LYSMD4: variants seen among roughly 807,000 people sequenced by gnomAD.
The protein encoded by LYSMD4 is lysM and putative peptidoglycan-binding domain-containing protein 4.
LYSMD4 carries 9 observed loss-of-function variants against 6.1 expected under a neutral mutation model. The observed-to-expected ratio is 1.47, with a 90% CI of 0.88 to 2.56. The LOEUF (loss-of-function observed/expected upper bound fraction) is 2.56, where lower values mean the gene tolerates loss of function less well. Among genes scored for constraint, LYSMD4 ranks in the 30% most tolerant of loss-of-function variants. The probability of loss-of-function intolerance (pLI) is 0.00; values close to 1 mark genes in which losing one functional copy is unlikely to be tolerated. For missense variants in LYSMD4, 384 were observed against 373.5 expected (o/e 1.03, Z -0.23); for synonymous variants, 143 against 148.5 (o/e 0.96, Z 0.27).
downstream of LYSMD4, among the ~76,000 whole-genome samples, chr15:99,722,776 T>C (rs1002599350): frequency 2.0e-5 from 3 of 152,156 alleles, no homozygotes; most frequent in African/African-American, 7.2e-5. Context: ...GGCTCATGCC[T>C]CTAATGCCAG....
rs1192774859 is a variant in LYSMD4, at chr15:99,729,404, G to A, written c.610C>T (p.Pro204Ser). The A allele has an allele frequency of 1.9e-6, 3 of 1,614,230 alleles. No homozygotes were observed. The highest frequency in any genetic ancestry group is 1.7e-5 in the Admixed American group (1 of 60,034). Residue 204 changes from proline to serine, a missense_variant, in exon 3 of 3, where the codon CCT becomes TCT. By Grantham distance (74) the Pro-to-Ser change is moderately conservative. Transcript: ENST00000684762. ...DTSHQPLLPA[P>S]PKTPMDGADC... ...GCACCATCCATAGGCGTCTTCGGAGGTGCCGGGAGCAGTGGCTGATGGGAG... is the reference window on the plus strand; with the variant it reads ...GCACCATCCATAGGCGTCTTCGGAGATGCCGGGAGCAGTGGCTGATGGGAG...
At chr15:99,724,077 T>C (rs111456294), downstream of LYSMD4, among the ~76,000 whole-genome samples, 535 of 151,046 alleles carry the variant, frequency 3.5e-3, 34 homozygotes, top group African/African-American at 0.013. Flanking sequence ...TCGCTCACAC[T>C]GGACAGTCCT....
At position 99,733,364 on chromosome 15, in the gene LYSMD4, CGCGACCG is replaced by C. The variant is rs1012165572; in HGVS notation, c.-35_-29del. ...CGGTACCTCAGCGCCCAGGCTCCGC[CGCGACCG>C]GCGACCGGCGACTCGCGACCCGCGA... On this transcript the variant is annotated 5_prime_UTR_variant, in exon 1 of 3. Coordinates refer to ENST00000684762, the MANE Select transcript of LYSMD4 (RefSeq NM_001284417.2). 8.6e-5 allele frequency: 34 copies of C among 394,818 alleles called. No individual in the cohort carries two copies. Among genetic ancestry groups the C allele is most frequent in the Middle Eastern group, 6.3e-4 (1 of 1,590 alleles). The allele number at this position is 394,818 out of a possible 1,614,324, so 24.5% of individuals were successfully genotyped here. A position where few individuals can be genotyped will look rare whatever the true frequency, so the allele number is the denominator to read the frequency against.
downstream of LYSMD4, among the ~76,000 whole-genome samples, chr15:99,723,515 G>C (rs2059253599): frequency 6.6e-6 from 1 of 152,180 alleles, no homozygotes; most frequent in Non-Finnish European, 1.5e-5. Flanking sequence ...GCTGTTCCCA[G>C]GACTAGCCTG....
upstream of LYSMD4, among the ~76,000 whole-genome samples, chr15:99,721,976 T>A (rs2059240922): frequency 6.6e-6 from 1 of 151,862 alleles, no homozygotes; most frequent in Non-Finnish European, 1.5e-5. Context: ...GTCTGAGGCA[T>A]CTAGAATTTG....
chr15:99,732,044 C>T, intron 1 of LYSMD4, 37 bp from the exon 2 acceptor site: 1 of 1,513,790 alleles, frequency 6.6e-7, no homozygotes, highest in Non-Finnish European at 8.9e-7. Flanking sequence ...CCACAGAAGA[C>T]ATAATCATCC....
At chr15:99,731,425 C>G in intron 2 of LYSMD4, 1 of 1,607,024 alleles carries the variant, frequency 6.2e-7, no homozygotes, top group Non-Finnish European at 8.5e-7. Flanking sequence ...AAAATGTGCT[C>G]GAAAGAAGAA....
At chr15:99,730,519 C>G (rs905279577) in intron 2 of LYSMD4, among the ~76,000 whole-genome samples, 1 of 152,222 alleles carries the variant, frequency 6.6e-6, no homozygotes, top group Non-Finnish European at 1.5e-5. Context: ...AAACTTTTAA[C>G]ACTTAAGTCC....
At chr15:99,717,196 T>C (rs1322716714) in exon 1 of LYSMD4, 1 of 154,050 alleles carries the variant, frequency 6.5e-6, no homozygotes, top group African/African-American at 2.4e-5. Context: ...GGGGCTCTTA[T>C]TAGCAGGTTT....
At chr15:99,731,231 A>G (rs2059401553) in intron 2 of LYSMD4, 1 of 1,610,744 alleles carries the variant, frequency 6.2e-7, no homozygotes, top group South Asian at 1.1e-5. Flanking sequence ...ACAGGGTTAT[A>G]TAGATACACA....
downstream of LYSMD4, among the ~76,000 whole-genome samples, chr15:99,723,220 C>G (rs2059250883): frequency 6.6e-6 from 1 of 152,006 alleles, no homozygotes; most frequent in Non-Finnish European, 1.5e-5. Context: ...GAAACAATGG[C>G]TAAAATTTGT....
At chr15:99,725,741 T>A (rs1478201396), downstream of LYSMD4, among the ~76,000 whole-genome samples, 2 of 152,168 alleles carry the variant, frequency 1.3e-5, no homozygotes, top group Non-Finnish European at 2.9e-5. Context: ...CCTCCTGAAG[T>A]CCTGCCTTGG....
rs1006656671 is a variant in LYSMD4 at position 99,733,381 on chromosome 15, G to A, written c.-45C>T. 2.6e-4 allele frequency: 103 copies of A among 395,524 alleles called. No homozygotes were observed. The highest frequency in any genetic ancestry group is 1.9e-3 in the African/African-American group (92 of 48,482). The allele number at this position is 395,524 out of a possible 1,614,324, so 24.5% of individuals were successfully genotyped here. On this transcript the variant is annotated 5_prime_UTR_variant, in exon 1 of 3. Coordinates refer to ENST00000684762, the MANE Select transcript of LYSMD4 (RefSeq NM_001284417.2). ...GGCTCCGCCGCGACCGGCGACCGGC[G>A]ACTCGCGACCCGCGACCCGCGACCC...
At chr15:99,721,478 C>G (rs1484696317), upstream of LYSMD4, among the ~76,000 whole-genome samples, 1 of 152,218 alleles carries the variant, frequency 6.6e-6, no homozygotes, top group African/African-American at 2.4e-5. Flanking sequence ...GGAATGCAGT[C>G]ATGTTGATTG....
upstream of LYSMD4, among the ~76,000 whole-genome samples, chr15:99,720,501 T>C (rs954524823): frequency 2.0e-5 from 3 of 152,178 alleles, no homozygotes; most frequent in Admixed American, 2.0e-4. Flanking sequence ...CTTGTCCCAG[T>C]ACCATTTATT....
upstream of LYSMD4, chr15:99,717,921 A>G (rs886441631): frequency 1.3e-5 from 2 of 152,150 alleles, no homozygotes; most frequent in African/African-American, 4.8e-5. Context: ...CTCACTTTTG[A>G]CTTACAGAAA....
Position 99,728,251 on chromosome 15 carries a change from C to G in LYSMD4, c.*872G>C, listed in dbSNP as rs1378208690. On this transcript the variant is annotated 3_prime_UTR_variant, in exon 3 of 3. Transcript: ENST00000684762. ...TTAGGTGTGCACAGGGGCTGCGGCT[C>G]TCAGCACAGGCCTGACGACCGCCCA... is the stretch of plus-strand genomic sequence containing the variant. 1 of 152,318 alleles carries G rather than the reference C, an allele frequency of 6.6e-6. No homozygotes were observed. Among genetic ancestry groups the G allele is most frequent in the East Asian group, 1.9e-4 (1 of 5,196 alleles). The allele number at this position is 152,318 out of a possible 1,614,324, so 9.4% of individuals were successfully genotyped here. A position where few individuals can be genotyped will look rare whatever the true frequency, so the allele number is the denominator to read the frequency against.
At chr15:99,721,184 G>A (rs2059234777), upstream of LYSMD4, among the ~76,000 whole-genome samples, 1 of 152,150 alleles carries the variant, frequency 6.6e-6, no homozygotes, top group African/African-American at 2.4e-5. Context: ...GGGGTATCAA[G>A]GATGAAGACA....
rs145292960 is a variant in LYSMD4 at position 99,731,817 on chromosome 15, G to A, written c.183C>T (p.His61=). Reference sequence around the variant, plus strand: ...CACCTGCTCCCGCCTGGGGAGGCTGGTGGACACCGCTCTTGTGGCGCTCCT... The same window carrying A: ...CACCTGCTCCCGCCTGGGGAGGCTGATGGACACCGCTCTTGTGGCGCTCCT... The part of the protein sequence containing the change: ...RGKERHKSGV[H]QPPQAGAGDV... The change falls in exon 2 of 3, where the codon CAC becomes CAT. Residue 61 remains histidine (H), a synonymous_variant. Coordinates refer to ENST00000684762, the MANE Select transcript of LYSMD4 (RefSeq NM_001284417.2). 1.9e-4 allele frequency: 306 copies of A among 1,612,706 alleles called. 4 individuals carry two copies. The African/African-American group carries it at 3.7e-3, about 19-fold the overall frequency.
Sources: gnomAD v4.1 joint callset for allele counts (sites outside exome capture counted in the v4.1 genomes callset) on GRCh38, gnomAD v4.1.1 for gene constraint, MANE v1.5 for transcripts, NCBI Gene and HGNC (gene_info 2026-07-23, HGNC 2026-07-21) for gene names.